Variants in NELL1 observed in about 807,000 individuals in gnomAD.
The protein encoded by NELL1 is neural EGFL like 1, also known as protein kinase C-binding protein NELL1.
In NELL1, 76 loss-of-function variants were observed where a neutral mutation model predicts 107.4. That is an observed-to-expected ratio of 0.71 (90% CI 0.59 to 0.86). The LOEUF is 0.86. NELL1 is among the 40% of genes least tolerant of loss of function. NELL1 has a pLI of 0.00. For synonymous variants in NELL1, 353 were observed against 341.2 expected (o/e 1.03, Z -0.38); for missense variants, 1,024 against 1,005.5 (o/e 1.02, Z -0.25).
intron 11 of NELL1, among the ~76,000 whole-genome samples, chr11:20,954,157 A>G (rs374212273): frequency 3.3e-5 from 5 of 152,342 alleles, no homozygotes; most frequent in East Asian, 1.9e-4. Flanking sequence ...ATAAACTCTT[A>G]TAACAATTTT....
intron 15 of NELL1, among the ~76,000 whole-genome samples, chr11:21,402,331 C>A (rs1334499755): frequency 6.6e-6 from 1 of 151,776 alleles, no homozygotes; most frequent in African/African-American, 2.4e-5. Flanking sequence ...AAATTATCAT[C>A]TGTAGGAAAA....
At chr11:21,324,184 C>G (rs927840892) in intron 14 of NELL1, among the ~76,000 whole-genome samples, 12 of 152,008 alleles carry the variant, frequency 7.9e-5, no homozygotes, top group African/African-American at 2.9e-4. Context: ...CATTATTACC[C>G]CATTTTGAAG....
chr11:20,812,868 C>T (rs552058777), intron 3 of NELL1, among the ~76,000 whole-genome samples: 4 of 150,664 alleles, frequency 2.7e-5, no homozygotes, highest in Non-Finnish European at 5.9e-5. Flanking sequence ...ATTAGCCGGG[C>T]GAGGTGGCGG....
At chr11:21,367,380 C>T (rs1439451168) in intron 14 of NELL1, among the ~76,000 whole-genome samples, 2 of 151,892 alleles carry the variant, frequency 1.3e-5, no homozygotes, top group Non-Finnish European at 2.9e-5. Context: ...TCCATGGTAC[C>T]TGAGTTTCTC....
At chr11:20,712,871 G>C (rs1466701358) in intron 2 of NELL1, among the ~76,000 whole-genome samples, 1 of 152,220 alleles carries the variant, frequency 6.6e-6, no homozygotes, top group Non-Finnish European at 1.5e-5. Flanking sequence ...ACCTGCTCTG[G>C]TGGAGGTGGC....
Position 21,310,099 on chromosome 11 carries a change from A to G in NELL1, c.1550-60754A>G, listed in dbSNP as rs530469672. Among the ~76,000 whole-genome samples, 203 of 152,254 alleles carry G rather than the reference A, an allele frequency of 1.3e-3. 1 individual carries two copies. Among genetic ancestry groups the G allele is most frequent in the African/African-American group, 4.4e-3 (185 of 41,584 alleles). ...ATTATTTTTTAACCTCAAAAGAACT[A>G]TATGAGAAAACAGCTATTTAATTTA... On this transcript the variant is annotated intron_variant, in intron 14 of 19. Transcript: ENST00000357134.
At chr11:20,891,110 G>A (rs986240583) in intron 5 of NELL1, among the ~76,000 whole-genome samples, 2 of 152,312 alleles carry the variant, frequency 1.3e-5, no homozygotes, top group African/African-American at 2.4e-5. Context: ...GGCAGCCAGA[G>A]AGAAAGACCA....
chr11:21,354,370 T>A (rs934236271), intron 14 of NELL1, among the ~76,000 whole-genome samples: 4 of 152,122 alleles, frequency 2.6e-5, no homozygotes, highest in African/African-American at 9.7e-5. Flanking sequence ...TCTACTCTCC[T>A]CTCCTTCCCG....
chr11:21,363,908 T>C (rs115130141), intron 14 of NELL1, among the ~76,000 whole-genome samples: 62 of 152,234 alleles, frequency 4.1e-4, no homozygotes, highest in African/African-American at 1.5e-3. Context: ...GCATTATCTG[T>C]CTCCTCAACC....
intron 13 of NELL1, among the ~76,000 whole-genome samples, chr11:21,177,932 G>T (rs954775502): frequency 1.3e-5 from 2 of 150,710 alleles, no homozygotes; most frequent in Admixed American, 6.6e-5. Context: ...ACACTTCTAT[G>T]CAGGTGCTTT....
intron 13 of NELL1, among the ~76,000 whole-genome samples, chr11:21,180,997 T>C (rs1338693565): frequency 2.0e-5 from 3 of 151,868 alleles, no homozygotes; most frequent in African/African-American, 7.3e-5. Flanking sequence ...AAGAATTTTT[T>C]TTCTAAAAAT....
intron 13 of NELL1, among the ~76,000 whole-genome samples, chr11:21,131,451 A>C (rs1855615184): frequency 6.6e-6 from 1 of 152,148 alleles, no homozygotes; most frequent in Admixed American, 6.5e-5. Context: ...GCCTCAGGCA[A>C]GTCATTTTAA....
At chr11:21,488,464 A>G (rs896110900) in intron 15 of NELL1, among the ~76,000 whole-genome samples, 5 of 152,058 alleles carry the variant, frequency 3.3e-5, no homozygotes, top group Non-Finnish European at 7.4e-5. Flanking sequence ...TATAAGCAGC[A>G]TTGGTGATAT....
At chr11:21,352,015 C>T (rs942211283) in intron 14 of NELL1, among the ~76,000 whole-genome samples, 1 of 152,104 alleles carries the variant, frequency 6.6e-6, no homozygotes, top group Admixed American at 6.6e-5. Flanking sequence ...GGCCTTTTTG[C>T]AATTCCTGGA....
chr11:21,239,146 A>G (rs1858284949), intron 14 of NELL1, among the ~76,000 whole-genome samples: 1 of 152,038 alleles, frequency 6.6e-6, no homozygotes, highest in Admixed American at 6.6e-5. Context: ...TTTTCTCCTT[A>G]CCATCTTCCC....
chr11:21,124,827 C>T (rs1214842473), intron 13 of NELL1, among the ~76,000 whole-genome samples: 1 of 151,952 alleles, frequency 6.6e-6, no homozygotes, highest in Admixed American at 6.6e-5. Flanking sequence ...TCTTGAACTC[C>T]CAACCTCAGG....
chr11:21,151,067 AC>A (rs746845074), intron 13 of NELL1, among the ~76,000 whole-genome samples: 70 of 151,864 alleles, frequency 4.6e-4, no homozygotes, highest in Non-Finnish European at 1.3e-4. Context: ...TGATCCAGTC[AC>A]CTCCCAAAAG....
intron 15 of NELL1, among the ~76,000 whole-genome samples, chr11:21,498,883 AATT>A (rs1490180252): frequency 6.6e-6 from 1 of 151,948 alleles, no homozygotes; most frequent in Non-Finnish European, 1.5e-5. Flanking sequence ...GCCTTTCCCT[AATT>A]AGTAGAGAGG....
intron 13 of NELL1, chr11:21,169,889 G>A: frequency 1.4e-6 from 2 of 1,437,582 alleles, no homozygotes; most frequent in Non-Finnish European, 9.7e-7. Flanking sequence ...AGCACTGGCA[G>A]ATGTCCCCAG....
Sources: allele counts gnomAD v4.1 joint callset (sites outside exome capture counted in the v4.1 genomes callset), GRCh38; gene constraint gnomAD v4.1.1; transcripts MANE v1.5; gene names NCBI Gene and HGNC (gene_info 2026-07-23, HGNC 2026-07-21).